RAB7A: variants seen among roughly 807,000 people sequenced by gnomAD.
RAB7A encodes the protein ras-related protein Rab-7a.
RAB7A carries 2 observed loss-of-function variants against 24.5 expected under a neutral mutation model. The observed-to-expected ratio is 0.08, with a 90% CI of 0.03 to 0.26. The LOEUF (loss-of-function observed/expected upper bound fraction) is 0.26, where lower values mean the gene tolerates loss of function less well. RAB7A is among the 10% of genes least tolerant of loss of function. The probability of loss-of-function intolerance (pLI) is 1.00; values close to 1 mark genes in which losing one functional copy is unlikely to be tolerated. For synonymous variants in RAB7A, 100 were observed against 95.9 expected (o/e 1.04, Z -0.25); for missense variants, 118 against 255.7 (o/e 0.46, Z 3.67).
At chr3:128,803,682 A>G (rs556629235) in intron 3 of RAB7A, among the ~76,000 whole-genome samples, 4 of 152,362 alleles carry the variant, frequency 2.6e-5, no homozygotes, top group African/African-American at 4.8e-5. Flanking sequence ...AAGTGAGTCT[A>G]TTAAAGCAGT....
Position 128,793,163 on chromosome 3 carries a change from A to G in RAB7A, c.-8-2197A>G, listed in dbSNP as rs369243170. The stretch of plus-strand genomic sequence containing the variant: ...CTCAGCCTCCTGAGTAGCTGGGACT[A>G]CAGGCACATGCCACCACGCCCAGCT... On this transcript the variant is annotated intron_variant, in intron 1 of 5. Coordinates refer to ENST00000265062, the MANE Select transcript of RAB7A (RefSeq NM_004637.6). Among the ~76,000 whole-genome samples, 64 of 152,132 alleles carry G rather than the reference A, an allele frequency of 4.2e-4. 1 individual carries two copies. The East Asian group carries it at 6.6e-3, about 16-fold the overall frequency.
chr3:128,726,476 G>C (rs2070379634), intron 1 of RAB7A, 117 bp downstream of exon 1: 1 of 152,670 alleles, frequency 6.6e-6, no homozygotes, highest in African/African-American at 2.4e-5. Flanking sequence ...CCCAGCCCTG[G>C]CCACGCGGGC....
chr3:128,795,751 C>CTTTTTTTTTTTTCTTTTT (rs1933556088), intron 2 of RAB7A, among the ~76,000 whole-genome samples: 1 of 43,038 alleles, frequency 2.3e-5, no homozygotes, highest in Admixed American at 4.4e-4. Flanking sequence ...AGCAGATGTG[C>CTTTTTTTTTTTTCTTTTT]TTTTTTTTTT....
chr3:128,804,958 G>A (rs1257687623), intron 3 of RAB7A, among the ~76,000 whole-genome samples: 2 of 152,216 alleles, frequency 1.3e-5, no homozygotes, highest in Non-Finnish European at 2.9e-5. Context: ...GAGTGCCCTA[G>A]TGCGTGACGG....
intron 1 of RAB7A, among the ~76,000 whole-genome samples, chr3:128,743,978 G>A (rs932758853): frequency 5.3e-5 from 8 of 151,778 alleles, no homozygotes; most frequent in African/African-American, 4.8e-5. Flanking sequence ...TAGTAAAGAC[G>A]GGGTTTCACC....
chr3:128,801,328 A>T (rs563620207), intron 3 of RAB7A, among the ~76,000 whole-genome samples: 6 of 152,316 alleles, frequency 3.9e-5, no homozygotes, highest in South Asian at 4.1e-4. Context: ...CTACAAAAAA[A>T]TTTTTTGAAA....
At chr3:128,730,710 A>G (rs1318011971) in intron 1 of RAB7A, among the ~76,000 whole-genome samples, 5 of 152,248 alleles carry the variant, frequency 3.3e-5, no homozygotes, top group Non-Finnish European at 5.9e-5. Context: ...CTTGCAAAAT[A>G]TCTCCTTGTG....
chr3:128,729,324 A>G (rs941294569), intron 1 of RAB7A, among the ~76,000 whole-genome samples: 8 of 152,170 alleles, frequency 5.3e-5, no homozygotes, highest in African/African-American at 1.7e-4. Flanking sequence ...TAATCCCAGC[A>G]CTTTGGGAGG....
At chr3:128,811,788 G>T (rs1268396431) in intron 5 of RAB7A, among the ~76,000 whole-genome samples, 4 of 151,790 alleles carry the variant, frequency 2.6e-5, no homozygotes, top group Non-Finnish European at 4.4e-5. Flanking sequence ...GTTAGAGGCT[G>T]CAGTGAGCTG....
chr3:128,749,790 C>T (rs866394834), intron 1 of RAB7A, among the ~76,000 whole-genome samples: 4 of 152,198 alleles, frequency 2.6e-5, no homozygotes, highest in Non-Finnish European at 5.9e-5. Context: ...TGTGAGGCTT[C>T]CCCAGCCACG....
intron 1 of RAB7A, among the ~76,000 whole-genome samples, chr3:128,734,963 A>G (rs2070477078): frequency 6.6e-6 from 1 of 152,206 alleles, no homozygotes; most frequent in Non-Finnish European, 1.5e-5. Flanking sequence ...TTCCAGTTCT[A>G]GCTTTTCAGA....
intron 1 of RAB7A, among the ~76,000 whole-genome samples, chr3:128,763,860 T>TCCC (rs1325804089): frequency 1.3e-4 from 10 of 75,414 alleles, no homozygotes; most frequent in African/African-American, 6.8e-4. Flanking sequence ...CCTGTTAGAT[T>TCCC]CCCGCCCCCC....
intron 1 of RAB7A, among the ~76,000 whole-genome samples, chr3:128,767,779 G>C (rs2070846064): frequency 6.6e-6 from 1 of 152,194 alleles, no homozygotes; most frequent in Admixed American, 6.5e-5. Flanking sequence ...AATGCAGTGA[G>C]AACTGAGGCA....
At position 128,757,951 on chromosome 3, in the gene RAB7A, G is replaced by A. The variant is rs73198820; in HGVS notation, c.-9+31592G>A. Among the ~76,000 whole-genome samples, 20 of 151,786 alleles carry A rather than the reference G, an allele frequency of 1.3e-4. 1 individual carries two copies. The highest frequency in any genetic ancestry group is 1.3e-3 in the Admixed American group (20 of 15,250). On this transcript the variant is annotated intron_variant, in intron 1 of 5. Coordinates refer to ENST00000265062, the MANE Select transcript of RAB7A (RefSeq NM_004637.6). ...TGGAGTTACACTTGTGAGCCACTGC[G>A]CCCAGCCTATTTTATTTTTTTTATT... is the stretch of plus-strand genomic sequence containing the variant.
chr3:128,730,524 A>G (rs1467843571), intron 1 of RAB7A, among the ~76,000 whole-genome samples: 1 of 152,194 alleles, frequency 6.6e-6, no homozygotes, highest in Admixed American at 6.5e-5. Flanking sequence ...CACCATGCCC[A>G]GCCTAAAACT....
intron 1 of RAB7A, among the ~76,000 whole-genome samples, chr3:128,772,429 A>G (rs777240100): frequency 6.6e-6 from 1 of 152,114 alleles, no homozygotes; most frequent in East Asian, 1.9e-4. Flanking sequence ...TTTTTCTTCC[A>G]TAACATATTT....
chr3:128,781,042 C>G (rs1411999948), intron 1 of RAB7A, among the ~76,000 whole-genome samples: 2 of 152,168 alleles, frequency 1.3e-5, no homozygotes, highest in African/African-American at 2.4e-5. Flanking sequence ...ACATATGATG[C>G]AGTACACCAA....
At chr3:128,805,886 C>T (rs985433000) in intron 3 of RAB7A, among the ~76,000 whole-genome samples, 3 of 152,052 alleles carry the variant, frequency 2.0e-5, no homozygotes, top group East Asian at 1.9e-4. Flanking sequence ...TCCTGACCTC[C>T]GGTGATCCAC....
At chr3:128,798,821 T>TA (rs56925997) in intron 3 of RAB7A, 348 of 150,498 alleles carry the variant, frequency 2.3e-3, no homozygotes, top group East Asian at 0.011. Flanking sequence ...TCTCTAAATT[T>TA]AAAAAAAAAA....
Sources: gnomAD v4.1 joint callset for allele counts (sites outside exome capture counted in the v4.1 genomes callset) on GRCh38, gnomAD v4.1.1 for gene constraint, MANE v1.5 for transcripts, NCBI Gene and HGNC (gene_info 2026-07-23, HGNC 2026-07-21) for gene names.